Variants in CTSC observed in about 807,000 individuals in gnomAD.
CTSC encodes cathepsin C, also known as dipeptidyl peptidase 1.
CTSC carries 37 observed loss-of-function variants against 40.9 expected under a neutral mutation model. The ratio of observed to expected loss-of-function variants is 0.91; its 90% CI spans 0.70 to 1.19. CTSC has a LOEUF of 1.19. Among genes scored for constraint, CTSC ranks in the 50% most tolerant of loss-of-function variants. CTSC has a pLI of 0.00. For synonymous variants in CTSC, 232 were observed against 207.4 expected, an observed-to-expected ratio of 1.12 and a Z score of -1.02; for missense variants, 594 against 567.3, an observed-to-expected ratio of 1.05 and a Z score of -0.48.
intron 4 of CTSC, among the ~76,000 whole-genome samples, chr11:88,306,156 C>A (rs74951709): frequency 0.046 from 6,929 of 152,238 alleles, 205 homozygotes; most frequent in East Asian, 0.1. Flanking sequence ...GCAAAAGATT[C>A]TTTTAAGAAA....
chr11:88,309,718 T>C (rs997458307), intron 3 of CTSC, among the ~76,000 whole-genome samples: 2 of 151,922 alleles, frequency 1.3e-5, no homozygotes, highest in Admixed American at 6.6e-5. Context: ...AGTTTATACA[T>C]AATCATAATC....
chr11:88,329,121 CTGCTCCCTT>C (rs2134815830), intron 2 of CTSC, among the ~76,000 whole-genome samples: 1 of 152,252 alleles, frequency 6.6e-6, no homozygotes, highest in African/African-American at 2.4e-5. Flanking sequence ...TCCTTCTCTA[CTGCTCCCTT>C]TTAGAGTCAG....
intron 2 of CTSC, among the ~76,000 whole-genome samples, chr11:88,330,569 G>A (rs1253590788): frequency 2.0e-5 from 3 of 151,870 alleles, no homozygotes; most frequent in Admixed American, 1.3e-4. Context: ...GACTGGTCTC[G>A]AACGCCTGAC....
At position 88,311,183 on chromosome 11, in the gene CTSC, A is replaced by T. The variant is rs60593038; in HGVS notation, c.485+1205T>A. ...TTCACTAAATGAGAGAATGTTTGAA[A>T]TATCAAATAGAGTACAATAGTACAT... On this transcript the variant is annotated intron_variant, in intron 3 of 6. Transcript: ENST00000227266. Among the ~76,000 whole-genome samples, 1,171 of 152,382 alleles carry T rather than the reference A, an allele frequency of 7.7e-3. 13 individuals carry two copies. The highest frequency in any genetic ancestry group is 0.026 in the African/African-American group (1,093 of 41,592).
chr11:88,303,808 T>C (rs1054663511), intron 4 of CTSC, among the ~76,000 whole-genome samples: 1 of 152,288 alleles, frequency 6.6e-6, no homozygotes, highest in East Asian at 1.9e-4. Context: ...CTTTAGGGTA[T>C]GACACAGGAC....
At position 88,334,711 on chromosome 11, in the gene CTSC, A is replaced by C. The variant is rs554024836; in HGVS notation, c.318+226T>G. ...TTACCAAAATGTAAATTTTAAACAT[A>C]ATTTATACATATTCAAATGTAGCAC... is the stretch of plus-strand genomic sequence containing the variant. On this transcript the variant is annotated intron_variant, in intron 2 of 6. Transcript: ENST00000227266. 8 of 500,782 alleles carry C rather than the reference A, an allele frequency of 1.6e-5. No individual in the cohort carries two copies. The South Asian group carries it at 2.1e-4, about 13-fold the overall frequency. 31.0% of individuals were successfully genotyped at this position (500,782 alleles called of 1,614,324 possible).
At chr11:88,319,969 C>A (rs1437707213) in intron 2 of CTSC, among the ~76,000 whole-genome samples, 1 of 152,126 alleles carries the variant, frequency 6.6e-6, no homozygotes, top group Non-Finnish European at 1.5e-5. Context: ...GTACAATTAC[C>A]TCCATTTGCT....
intron 2 of CTSC, among the ~76,000 whole-genome samples, chr11:88,326,986 G>C (rs999479034): frequency 2.0e-5 from 3 of 152,052 alleles, no homozygotes; most frequent in African/African-American, 7.2e-5. Flanking sequence ...AAAAAATAGT[G>C]AACCTATCTG....
rs147665714 is a variant in CTSC at position 88,303,914 on chromosome 11, C to CAG, written c.642-3271_642-3270dup. Among the ~76,000 whole-genome samples, 433 of 148,250 alleles carry CAG rather than the reference C, an allele frequency of 2.9e-3. 2 individuals are homozygous for CAG. Among genetic ancestry groups the CAG allele is most frequent in the African/African-American group, 9.6e-3 (389 of 40,600 alleles). ...AGGTGAGAGGAGGGCGGAAGAAGAT[C>CAG]AGAGAGAGAGAGAGAGAGAGACTCT... On this transcript the variant is annotated intron_variant, in intron 4 of 6. Coordinates refer to ENST00000227266, the MANE Select transcript of CTSC (RefSeq NM_001814.6).
At chr11:88,333,640 T>C (rs900888858) in intron 2 of CTSC, among the ~76,000 whole-genome samples, 1 of 152,240 alleles carries the variant, frequency 6.6e-6, no homozygotes, top group African/African-American at 2.4e-5. Context: ...AGGTTAAATA[T>C]ACCACATATA....
chr11:88,321,100 T>C, intron 2 of CTSC: 1 of 908,082 alleles, frequency 1.1e-6, no homozygotes, highest in Non-Finnish European at 1.3e-6. Context: ...AAAGAACTCA[T>C]TAGTAATTTT....
intron 5 of CTSC, chr11:88,298,979 A>G (rs1048494677): frequency 2.0e-5 from 3 of 152,206 alleles, no homozygotes; most frequent in Non-Finnish European, 2.9e-5. Context: ...ATGCTTTATT[A>G]AAGTAGTTAT....
chr11:88,324,701 C>G (rs1938130263), intron 2 of CTSC: 1 of 985,108 alleles, frequency 1.0e-6, no homozygotes, highest in African/African-American at 1.7e-5. Flanking sequence ...GGCATGAAAG[C>G]AGAGGTACCT....
At chr11:88,325,581 C>T (rs1938159098) in intron 2 of CTSC, 1 of 985,290 alleles carries the variant, frequency 1.0e-6, no homozygotes, top group African/African-American at 1.7e-5. Flanking sequence ...GAGCTTAGCA[C>T]TGTAAGAGAT....
chr11:88,332,231 A>C (rs1020206736), intron 2 of CTSC, among the ~76,000 whole-genome samples: 1 of 152,232 alleles, frequency 6.6e-6, no homozygotes, highest in Non-Finnish European at 1.5e-5. Context: ...TGAATAGCAA[A>C]TACTACTCAA....
At chr11:88,320,726 A>G in intron 2 of CTSC, 1 of 691,034 alleles carries the variant, frequency 1.4e-6, no homozygotes, top group Non-Finnish European at 1.8e-6. Context: ...ATCATCCAAC[A>G]TATATGGCCT....
chr11:88,331,452 G>C (rs1373466416), intron 2 of CTSC, among the ~76,000 whole-genome samples: 1 of 152,188 alleles, frequency 6.6e-6, no homozygotes, highest in Non-Finnish European at 1.5e-5. Flanking sequence ...TAAATACACA[G>C]GCACTTGAAG....
At chr11:88,325,438 T>C in intron 2 of CTSC, 1 of 985,414 alleles carries the variant, frequency 1.0e-6, no homozygotes, top group South Asian at 4.7e-5. Context: ...CAGACTGGAA[T>C]TTACCAGGAA....
At chr11:88,306,719 C>T (rs1043763213) in intron 4 of CTSC, among the ~76,000 whole-genome samples, 1 of 152,238 alleles carries the variant, frequency 6.6e-6, no homozygotes, top group East Asian at 1.9e-4. Flanking sequence ...TTCCAGCCCA[C>T]GTGTGATCCA....
Sources: allele counts gnomAD v4.1 joint callset (sites outside exome capture counted in the v4.1 genomes callset), GRCh38; gene constraint gnomAD v4.1.1; transcripts MANE v1.5; gene names NCBI Gene and HGNC (gene_info 2026-07-23, HGNC 2026-07-21).